Variants in PRKCA observed in about 807,000 individuals in gnomAD.
PRKCA encodes the protein protein kinase C alpha, also known as protein kinase C alpha type.
Under a neutral mutation model 87.0 loss-of-function variants are expected in PRKCA, and 27 were observed. The ratio of observed to expected loss-of-function variants is 0.31; its 90% CI spans 0.23 to 0.43. The LOEUF (loss-of-function observed/expected upper bound fraction) is 0.43, where lower values mean the gene tolerates loss of function less well. PRKCA is among the 20% of genes least tolerant of loss of function. The pLI is 1.00. For missense variants in PRKCA, 518 were observed against 852.3 expected, an observed-to-expected ratio of 0.61 and a Z score of 4.88; for synonymous variants, 329 against 311.1, an observed-to-expected ratio of 1.06 and a Z score of -0.61.
At chr17:66,350,162 A>G (rs1449698275) in intron 2 of PRKCA, among the ~76,000 whole-genome samples, 2 of 152,190 alleles carry the variant, frequency 1.3e-5, no homozygotes, top group Non-Finnish European at 2.9e-5. Flanking sequence ...TGGTGGTAAC[A>G]GTGCCTTTTT....
At chr17:66,506,675 G>A (rs1224715878) in intron 3 of PRKCA, among the ~76,000 whole-genome samples, 3 of 152,198 alleles carry the variant, frequency 2.0e-5, no homozygotes, top group African/African-American at 7.2e-5. Context: ...GATGCTGGGG[G>A]TGTGGGGGAA....
rs563081854 is a variant in PRKCA, at chr17:66,735,470, G to T, written c.1057-19G>T. On this transcript the variant is annotated intron_variant, in intron 9 of 16. Coordinates refer to ENST00000413366, the MANE Select transcript of PRKCA (RefSeq NM_002737.3). ...ATATGTGCTTACAAGTGTTCAGGTT[G>T]TTCTTGACGTGTTCTCAGGTGATGC... 6.2e-7 allele frequency: 1 copy of T among 1,614,176 alleles called. No homozygotes were observed. The highest frequency in any genetic ancestry group is 1.1e-5 in the South Asian group (1 of 91,082).
intron 5 of PRKCA, among the ~76,000 whole-genome samples, chr17:66,656,951 T>C (rs748571482): frequency 6.6e-6 from 1 of 152,338 alleles, no homozygotes; most frequent in Middle Eastern, 3.4e-3. Flanking sequence ...TATTTTCAGA[T>C]GTGTTGTAAA....
chr17:66,694,480 CAAAAAAAAAAA>C (rs57941055), intron 8 of PRKCA, among the ~76,000 whole-genome samples: 2 of 35,214 alleles, frequency 5.7e-5, no homozygotes, highest in African/African-American at 1.3e-4. Context: ...GACTCTGTCT[CAAAAAAAAAAA>C]AAAAAAAAAA....
Position 66,319,169 on chromosome 17 carries a change from C to T in PRKCA, c.205+13042C>T, listed in dbSNP as rs183920369. ...AAAAAGGCTTGCAATGGTGGTCTGCCATGGTGGTCTGCCATGAATCTAATG... is the reference window on the plus strand; with the variant it reads ...AAAAAGGCTTGCAATGGTGGTCTGCTATGGTGGTCTGCCATGAATCTAATG... On this transcript the variant is annotated intron_variant, in intron 2 of 16. Transcript: ENST00000413366. Among the ~76,000 whole-genome samples the T allele has an allele frequency of 1.8e-4, 27 of 152,070 alleles. No homozygotes were observed. The East Asian group carries it at 5.0e-3, about 28-fold the overall frequency.
intron 3 of PRKCA, among the ~76,000 whole-genome samples, chr17:66,617,237 T>C (rs766041208): frequency 6.6e-6 from 1 of 152,194 alleles, no homozygotes; most frequent in Non-Finnish European, 1.5e-5. Flanking sequence ...GTCAGTTTCA[T>C]GTCTTTTGAC....
intron 9 of PRKCA, among the ~76,000 whole-genome samples, chr17:66,733,148 CAAAA>C (rs34064109): frequency 6.0e-5 from 6 of 99,390 alleles, no homozygotes; most frequent in Non-Finnish European, 8.2e-5. Context: ...GACTCCGTCT[CAAAA>C]AAAAAAAAAA....
intron 2 of PRKCA, among the ~76,000 whole-genome samples, chr17:66,419,390 G>T (rs1350986698): frequency 6.6e-6 from 1 of 152,076 alleles, no homozygotes; most frequent in Non-Finnish European, 1.5e-5. Context: ...ACATGTGTCT[G>T]TTGTAACTGT....
chr17:66,577,031 A>C (rs1969260662), intron 3 of PRKCA, among the ~76,000 whole-genome samples: 1 of 151,816 alleles, frequency 6.6e-6, no homozygotes, highest in Non-Finnish European at 1.5e-5. Context: ...ATGCACCACC[A>C]GCTAAGTTTT....
chr17:66,337,314 T>C (rs1230892400), intron 2 of PRKCA, among the ~76,000 whole-genome samples: 1 of 152,146 alleles, frequency 6.6e-6, no homozygotes, highest in Non-Finnish European at 1.5e-5. Context: ...CTTATCTCAG[T>C]CCTCAACATG....
intron 6 of PRKCA, 40 bp downstream of exon 6, chr17:66,687,307 C>T (rs1264466710): frequency 1.3e-6 from 2 of 1,574,546 alleles, no homozygotes; most frequent in East Asian, 4.5e-5. Context: ...TTCCTATACA[C>T]CATGCAGTTG....
chr17:66,346,249 A>T (rs1408299705), intron 2 of PRKCA, among the ~76,000 whole-genome samples: 1 of 151,802 alleles, frequency 6.6e-6, no homozygotes, highest in Non-Finnish European at 1.5e-5. Context: ...GGCACGTGCC[A>T]CCACGCCTGG....
At chr17:66,437,731 TGAGCGGGGGG>T (rs1913479976) in intron 2 of PRKCA, among the ~76,000 whole-genome samples, 1 of 11,142 alleles carries the variant, frequency 9.0e-5, no homozygotes, top group Non-Finnish European at 1.6e-4. Context: ...TTTTTTTTTT[TGAGCGGGGGG>T]TGGGTGGGGC....
intron 3 of PRKCA, among the ~76,000 whole-genome samples, chr17:66,517,815 T>G (rs982051717): frequency 3.9e-5 from 6 of 152,194 alleles, no homozygotes; most frequent in African/African-American, 1.4e-4. Context: ...AAATTACTCA[T>G]CAAGCTGTTT....
rs186581770 is a variant in PRKCA, at chr17:66,447,438, C to T, written c.206-48763C>T. 8.5e-5 allele frequency among the ~76,000 whole-genome samples: 13 copies of T among 152,240 alleles called. No homozygotes were observed. In the East Asian group the frequency reaches 1.9e-3, roughly 23 times the overall value. On this transcript the variant is annotated intron_variant, in intron 2 of 16. Transcript: ENST00000413366. The stretch of plus-strand genomic sequence containing the variant: ...GACACCTTCCTCACTCCCAAAGGCA[C>T]GGGGCCTTAGTGCTTTCTGAGTAGC...
At position 66,804,399 on chromosome 17, in the gene PRKCA, C is replaced by T. The variant is rs1377081987; in HGVS notation, c.*362C>T. The stretch of plus-strand genomic sequence containing the variant: ...GTGGATTTTTCAGCATTGGAATCCC[C>T]CAACCAGAGATGTTAAAGTGAGCCT... On this transcript the variant is annotated 3_prime_UTR_variant, in exon 17 of 17. Coordinates refer to ENST00000413366, the MANE Select transcript of PRKCA (RefSeq NM_002737.3). The T allele has an allele frequency of 5.9e-6, 1 of 169,170 alleles. No homozygotes were observed. Among genetic ancestry groups the T allele is most frequent in the Non-Finnish European group, 1.3e-5 (1 of 79,002 alleles). The allele number at this position is 169,170 out of a possible 1,614,324, so 10.5% of individuals were successfully genotyped here.
At chr17:66,317,221 T>C (rs1815698629) in intron 2 of PRKCA, among the ~76,000 whole-genome samples, 1 of 152,166 alleles carries the variant, frequency 6.6e-6, no homozygotes, top group Non-Finnish European at 1.5e-5. Context: ...TTCTGGTTCA[T>C]GATCCGTAGT....
intron 2 of PRKCA, among the ~76,000 whole-genome samples, chr17:66,377,976 A>T (rs1909567647): frequency 6.6e-6 from 1 of 151,988 alleles, no homozygotes; most frequent in African/African-American, 2.4e-5. Flanking sequence ...GATAAAAGGG[A>T]AAGTTAAGAA....
intron 3 of PRKCA, among the ~76,000 whole-genome samples, chr17:66,557,964 C>T (rs535628542): frequency 6.6e-6 from 1 of 152,334 alleles, no homozygotes; most frequent in South Asian, 2.1e-4. Flanking sequence ...GCAGTCCAGA[C>T]ACCTGCCAGC....
Sources: gnomAD v4.1 joint callset for allele counts (sites outside exome capture counted in the v4.1 genomes callset) on GRCh38, gnomAD v4.1.1 for gene constraint, MANE v1.5 for transcripts, NCBI Gene and HGNC (gene_info 2026-07-23, HGNC 2026-07-21) for gene names.